TCF4: variants seen among roughly 807,000 people sequenced by gnomAD.
TCF4 encodes transcription factor 4, also known as SL3-3 enhancer factor 2.
TCF4 carries 3 observed loss-of-function variants against 82.1 expected under a neutral mutation model. The observed-to-expected ratio is 0.04, with a 90% confidence interval of 0.02 to 0.09. TCF4 has a LOEUF of 0.09. Among genes scored for constraint, TCF4 ranks in the 10% least tolerant of loss-of-function variants. The pLI, the probability that TCF4 is intolerant of heterozygous loss-of-function variation, is 1.00. For synonymous variants in TCF4, 276 were observed against 309.6 expected, an observed-to-expected ratio of 0.89 and a Z score of 1.14; for missense variants, 518 against 852.7, an observed-to-expected ratio of 0.61 and a Z score of 4.89.
chr18:55,356,498 C>A (rs554488338), intron 6 of TCF4, among the ~76,000 whole-genome samples: 1 of 152,132 alleles, frequency 6.6e-6, no homozygotes, highest in Non-Finnish European at 1.5e-5. Flanking sequence ...TGCTTTTGCA[C>A]GCATGAGCAA....
At chr18:55,369,513 C>A (rs1031048388) in intron 6 of TCF4, among the ~76,000 whole-genome samples, 11 of 152,142 alleles carry the variant, frequency 7.2e-5, no homozygotes, top group Non-Finnish European at 1.0e-4. Flanking sequence ...GCGAAAGTGG[C>A]TGAGGTCCAT....
intron 3 of TCF4, among the ~76,000 whole-genome samples, chr18:55,489,760 C>A (rs1294613694): frequency 6.6e-6 from 1 of 152,150 alleles, no homozygotes; most frequent in East Asian, 1.9e-4. Flanking sequence ...GCTTTCAAAT[C>A]TCCCCCACAG....
intron 9 of TCF4, among the ~76,000 whole-genome samples, chr18:55,279,153 C>T (rs771390260): frequency 6.6e-6 from 1 of 152,154 alleles, no homozygotes; most frequent in Non-Finnish European, 1.5e-5. Context: ...TAAGGTTATA[C>T]ATTAGGCCAA....
At chr18:55,590,364 A>T (rs963715833), upstream of TCF4, among the ~76,000 whole-genome samples, 3 of 152,196 alleles carry the variant, frequency 2.0e-5, no homozygotes, top group Non-Finnish European at 4.4e-5. Context: ...CTATCTTCTT[A>T]TAGAGCGCTG....
chr18:55,513,759 A>C (rs1046627644), intron 3 of TCF4, among the ~76,000 whole-genome samples: 1 of 152,154 alleles, frequency 6.6e-6, no homozygotes. Context: ...GAACATATAT[A>C]ATTTGTTTTA....
chr18:55,474,422 A>AT (rs2145300584), intron 3 of TCF4, among the ~76,000 whole-genome samples: 1 of 152,312 alleles, frequency 6.6e-6, no homozygotes, highest in South Asian at 2.1e-4. Context: ...AAATGCGACA[A>AT]TATTATACCA....
At chr18:55,272,384 A>G (rs1380718378) in intron 10 of TCF4, among the ~76,000 whole-genome samples, 1 of 152,068 alleles carries the variant, frequency 6.6e-6, no homozygotes, top group Non-Finnish European at 1.5e-5. Flanking sequence ...AAACTATAAG[A>G]GGTCCTCTTA....
intron 3 of TCF4, among the ~76,000 whole-genome samples, chr18:55,504,104 T>C (rs2096728546): frequency 6.6e-6 from 1 of 152,172 alleles, no homozygotes. Flanking sequence ...ATTGCCCTAA[T>C]GTACTCCTAT....
intron 3 of TCF4, among the ~76,000 whole-genome samples, chr18:55,505,628 C>A (rs1023442148): frequency 6.6e-6 from 1 of 151,498 alleles, no homozygotes; most frequent in South Asian, 2.1e-4. Flanking sequence ...AACGGTGAAA[C>A]CCCGTCTCTA....
chr18:55,351,737 G>C, intron 6 of TCF4: 1 of 565,098 alleles, frequency 1.8e-6, no homozygotes, highest in South Asian at 7.9e-5. Context: ...TTCTAAAAAT[G>C]ATGACATCAG....
chr18:55,377,609 C>A (rs2091064960), intron 6 of TCF4, among the ~76,000 whole-genome samples: 1 of 152,224 alleles, frequency 6.6e-6, no homozygotes, highest in African/African-American at 2.4e-5. Flanking sequence ...AGCACCATAG[C>A]CTTTATGCAG....
chr18:55,475,372 C>T (rs1214302958), intron 3 of TCF4, among the ~76,000 whole-genome samples: 6 of 152,062 alleles, frequency 3.9e-5, no homozygotes, highest in African/African-American at 1.2e-4. Context: ...GGTGTCCTTC[C>T]CAGGACATCA....
intron 3 of TCF4, among the ~76,000 whole-genome samples, chr18:55,476,318 C>T (rs1478632379): frequency 6.6e-6 from 1 of 152,060 alleles, no homozygotes; most frequent in East Asian, 1.9e-4. Flanking sequence ...TGAAGGGTGA[C>T]CCCAAAAAAG....
At chr18:55,498,839 C>T (rs956683211) in intron 3 of TCF4, among the ~76,000 whole-genome samples, 2 of 152,092 alleles carry the variant, frequency 1.3e-5, no homozygotes, top group African/African-American at 4.8e-5. Flanking sequence ...TGAGTTTCTC[C>T]TTGGTAATGA....
intron 2 of TCF4, among the ~76,000 whole-genome samples, chr18:55,593,906 A>G (rs2097688241): frequency 6.6e-6 from 1 of 152,232 alleles, no homozygotes; most frequent in African/African-American, 2.4e-5. Flanking sequence ...TAAGCAAGAT[A>G]TAGCCTGTGG....
At chr18:55,508,810 C>T (rs2096793042) in intron 3 of TCF4, among the ~76,000 whole-genome samples, 1 of 152,180 alleles carries the variant, frequency 6.6e-6, no homozygotes, top group Admixed American at 6.5e-5. Context: ...AATAACAAAA[C>T]CGCAATACAC....
intron 3 of TCF4, among the ~76,000 whole-genome samples, chr18:55,584,801 A>G (rs2097620071): frequency 6.6e-6 from 1 of 152,208 alleles, no homozygotes; most frequent in Non-Finnish European, 1.5e-5. Context: ...GCAAGAGGCT[A>G]TTTACAGCTA....
chr18:55,378,722 T>G (rs1435205451), intron 6 of TCF4, among the ~76,000 whole-genome samples: 1 of 152,220 alleles, frequency 6.6e-6, no homozygotes, highest in African/African-American at 2.4e-5. Context: ...ACCTTTTCTC[T>G]TCTCTTACAC....
At chr18:55,499,154 T>G (rs1408571405) in intron 3 of TCF4, among the ~76,000 whole-genome samples, 1 of 152,208 alleles carries the variant, frequency 6.6e-6, no homozygotes, top group Non-Finnish European at 1.5e-5. Context: ...TTACTCAGAA[T>G]TTTTCTTGGA....
Sources: allele counts gnomAD v4.1 joint callset (sites outside exome capture counted in the v4.1 genomes callset), GRCh38; gene constraint gnomAD v4.1.1; transcripts MANE v1.5; gene names NCBI Gene and HGNC (gene_info 2026-07-23, HGNC 2026-07-21).